CCNJL: variants seen among roughly 807,000 people sequenced by gnomAD.
CCNJL encodes the protein cyclin J like.
CCNJL carries 33 observed loss-of-function variants against 33.4 expected under a neutral mutation model. That is an observed-to-expected ratio of 0.99 (90% CI 0.75 to 1.32). The LOEUF is 1.32. Among genes scored for constraint, CCNJL ranks in the 40% most tolerant of loss-of-function variants. CCNJL has a pLI of 0.00. For synonymous variants in CCNJL, 227 were observed against 220.9 expected (o/e 1.03, Z -0.24); for missense variants, 512 against 499.7 (o/e 1.02, Z -0.23).
chr5:160,269,551 G>A (rs772831492), intron 3 of CCNJL: 85 of 452,782 alleles, frequency 1.9e-4, no homozygotes, highest in Non-Finnish European at 2.8e-4. Flanking sequence ...CGACCTATGC[G>A]GGGAACAGGG....
At chr5:160,327,606 G>A (rs1316328650) in intron 1 of CCNJL, among the ~76,000 whole-genome samples, 2 of 152,338 alleles carry the variant, frequency 1.3e-5, no homozygotes, top group African/African-American at 4.8e-5. Flanking sequence ...CCCCAACAAG[G>A]TGGGCCAGGA....
At chr5:160,331,074 A>T (rs1763601195) in intron 1 of CCNJL, among the ~76,000 whole-genome samples, 1 of 151,954 alleles carries the variant, frequency 6.6e-6, no homozygotes, top group African/African-American at 2.4e-5. Flanking sequence ...GTTCCTTGTG[A>T]TGGTCTTGCA....
intron 1 of CCNJL, among the ~76,000 whole-genome samples, chr5:160,319,242 A>C (rs887209226): frequency 6.6e-6 from 1 of 152,190 alleles, no homozygotes; most frequent in Non-Finnish European, 1.5e-5. Flanking sequence ...CAGCCTTTTG[A>C]GTAGCTGGGA....
intron 2 of CCNJL, among the ~76,000 whole-genome samples, chr5:160,298,043 C>G (rs1471359674): frequency 6.6e-6 from 1 of 152,252 alleles, no homozygotes; most frequent in East Asian, 1.9e-4. Flanking sequence ...CTATGTGTGC[C>G]TTATCTAAGG....
In CCNJL at chr5:160,252,557, C is replaced by A. The variant is rs1182636972; in HGVS notation, c.*821G>T. On this transcript the variant is annotated 3_prime_UTR_variant, in exon 6 of 6. Coordinates refer to ENST00000257536, the MANE Select transcript of CCNJL (RefSeq NM_001308173.3). ...GAGCTGGGAAAATGGTTCTCTCCAA[C>A]CATATGCCTTCAAAAAGGAAGCTCT... 2 of 152,580 alleles carry A rather than the reference C, an allele frequency of 1.3e-5. No individual in the cohort carries two copies. The highest frequency in any genetic ancestry group is 2.4e-5 in the African/African-American group (1 of 41,440). 9.5% of individuals were successfully genotyped at this position (152,580 alleles called of 1,614,324 possible).
chr5:160,269,272 G>A (rs1013075229), intron 3 of CCNJL, among the ~76,000 whole-genome samples: 2 of 152,292 alleles, frequency 1.3e-5, no homozygotes, highest in Admixed American at 6.5e-5. Context: ...CGCTTTACAC[G>A]TGACCCAAAT....
chr5:160,254,205 C>T (rs1489784132), intron 5 of CCNJL: 5 of 521,040 alleles, frequency 9.6e-6, no homozygotes, highest in South Asian at 3.0e-5. Context: ...GTTCCTGGGG[C>T]CTGAATGAGC....
chr5:160,258,138 G>A (rs375842330), intron 4 of CCNJL: 39 of 365,912 alleles, frequency 1.1e-4, no homozygotes, highest in African/African-American at 1.9e-4. Context: ...AAGCCACCGC[G>A]CCCAGTCCAA....
At chr5:160,327,214 C>T (rs939427889) in intron 1 of CCNJL, among the ~76,000 whole-genome samples, 4 of 152,172 alleles carry the variant, frequency 2.6e-5, no homozygotes, top group African/African-American at 2.4e-5. Context: ...TTTGTTTCCT[C>T]GTCTGAATAT....
chr5:160,320,162 T>G (rs1427288713), intron 1 of CCNJL, among the ~76,000 whole-genome samples: 2 of 152,210 alleles, frequency 1.3e-5, no homozygotes, highest in African/African-American at 4.8e-5. Flanking sequence ...GACTGTTGTA[T>G]GACATGAAGA....
chr5:160,272,095 G>T (rs955265259), intron 3 of CCNJL, among the ~76,000 whole-genome samples: 5 of 152,212 alleles, frequency 3.3e-5, no homozygotes, highest in African/African-American at 1.2e-4. Context: ...GCTTTGGGGA[G>T]AGCTGATGTA....
intron 2 of CCNJL, 83 bp downstream of exon 2, chr5:160,311,775 C>T: frequency 3.0e-6 from 4 of 1,333,400 alleles, no homozygotes; most frequent in Non-Finnish European, 3.2e-6. Context: ...TGAGTTCCCA[C>T]GCAGGCGACC....
chr5:160,297,654 C>CAAAAAAAAA, intron 2 of CCNJL, among the ~76,000 whole-genome samples: 1 of 107,620 alleles, frequency 9.3e-6, no homozygotes, highest in Non-Finnish European at 2.0e-5. Context: ...TCTCTATTTA[C>CAAAAAAAAA]AAAAAAAAAA....
In CCNJL at chr5:160,249,576, A is replaced by G. The variant is rs143416196; in HGVS notation, c.*3802T>C. On this transcript the variant is annotated 3_prime_UTR_variant, in exon 6 of 6. Coordinates refer to ENST00000257536, the MANE Select transcript of CCNJL (RefSeq NM_001308173.3). ...TCAGGAGTCTGAGACCAGCCTGGAC[A>G]ACATGGTGAAACCTCATCTCTACAA... 6.6e-6 allele frequency: 1 copy of G among 152,142 alleles called. No homozygotes were observed. Among genetic ancestry groups the G allele is most frequent in the East Asian group, 1.9e-4 (1 of 5,188 alleles). The allele number at this position is 152,142 out of a possible 1,614,324, so 9.4% of individuals were successfully genotyped here.
At position 160,256,352 on chromosome 5, in the gene CCNJL, C is replaced by T. The variant is rs567353546; in HGVS notation, c.584-644G>A. ...GAATGACACACTATTTCAAAGGCTT[C>T]CGTTTTGGGGTATGACTTAAAGCTA... On this transcript the variant is annotated intron_variant, in intron 4 of 5. Transcript: ENST00000257536. Among the ~76,000 whole-genome samples, 8 of 152,268 alleles carry T rather than the reference C, an allele frequency of 5.3e-5. No homozygotes were observed. The South Asian group carries it at 1.5e-3, about 28-fold the overall frequency.
intron 3 of CCNJL, among the ~76,000 whole-genome samples, chr5:160,275,287 T>C (rs540297044): frequency 2.0e-5 from 3 of 151,784 alleles, no homozygotes; most frequent in South Asian, 2.1e-4. Context: ...GGTTTCACCA[T>C]GTTGGCCAGG....
At chr5:160,294,422 C>T (rs1309239378) in intron 2 of CCNJL, among the ~76,000 whole-genome samples, 5 of 152,184 alleles carry the variant, frequency 3.3e-5, no homozygotes, top group South Asian at 2.1e-4. Flanking sequence ...CATCCGCAGC[C>T]GGCGTCTGTA....
At chr5:160,276,003 T>G (rs911242254) in intron 3 of CCNJL, among the ~76,000 whole-genome samples, 48 of 152,322 alleles carry the variant, frequency 3.2e-4, no homozygotes, top group Admixed American at 2.8e-3. Context: ...TGCAGCGCTG[T>G]TCACAACAGC....
intron 1 of CCNJL, among the ~76,000 whole-genome samples, chr5:160,331,679 C>T (rs997117894): frequency 8.5e-5 from 13 of 152,212 alleles, no homozygotes; most frequent in African/African-American, 2.9e-4. Flanking sequence ...CTTGGTCAAC[C>T]TTCAACCCAG....
Sources: allele counts gnomAD v4.1 joint callset (sites outside exome capture counted in the v4.1 genomes callset), GRCh38; gene constraint gnomAD v4.1.1; transcripts MANE v1.5; gene names NCBI Gene and HGNC (gene_info 2026-07-23, HGNC 2026-07-21).